Variants in ZNF763 observed in about 807,000 individuals in gnomAD.
ZNF763 encodes the protein DNA-binding protein.
In ZNF763, 33 loss-of-function variants were observed where a neutral mutation model predicts 38.0. That is an observed-to-expected ratio of 0.87 (90% CI 0.66 to 1.16). The LOEUF (loss-of-function observed/expected upper bound fraction) is 1.16. Among genes scored for constraint, ZNF763 ranks in the 50% most tolerant of loss-of-function variants. The probability of loss-of-function intolerance (pLI) is 0.00; values close to 1 mark genes in which losing one functional copy is unlikely to be tolerated. For missense variants in ZNF763, 423 were observed against 469.1 expected (o/e 0.90, Z 0.91); for synonymous variants, 155 against 160.1 (o/e 0.97, Z 0.24).
At position 11,978,330 on chromosome 19, in the gene ZNF763, T is replaced by G. The variant is rs1460194209; in HGVS notation, c.406T>G (p.Tyr136Asp). The G allele has an allele frequency of 5.6e-6, 9 of 1,613,934 alleles. No individual in the cohort carries two copies. The highest frequency in any genetic ancestry group is 2.7e-5 in the African/African-American group (2 of 74,882). ...TGACATTGGGCACAAGGCATACGAG[T>G]ATCAGGACTATGCACCAAAGCCATA... ...RGDIGHKAYEYQDYAPKPYKC... is the reference protein window; with the variant it reads ...RGDIGHKAYEDQDYAPKPYKC... Residue 136 changes from tyrosine (Y) to aspartate (D), a missense_variant, in exon 4 of 4, where the codon TAT (tyrosine) becomes GAT (aspartate). Coordinates refer to ENST00000358987, the MANE Select transcript of ZNF763 (RefSeq NM_001367172.2).
At position 11,967,639 on chromosome 19, in the gene ZNF763, G is replaced by A. The variant is rs570700270; in HGVS notation, c.3+2428G>A. Among the ~76,000 whole-genome samples the A allele has an allele frequency of 2.6e-5, 4 of 152,096 alleles. No individual in the cohort carries two copies. In the South Asian group the frequency reaches 6.2e-4, roughly 24 times the overall value. On this transcript the variant is annotated intron_variant, in intron 1 of 3. Transcript: ENST00000358987. ...AGGATGGTCTCAATCTCCTGACCTC[G>A]TGATCCACCCACCTCGGCCTCCCAA...
At chr19:11,970,548 T>C (rs1958199213) in intron 1 of ZNF763, among the ~76,000 whole-genome samples, 1 of 152,268 alleles carries the variant, frequency 6.6e-6, no homozygotes, top group Admixed American at 6.5e-5. Context: ...AGATTGATTA[T>C]TCTCCTGTAG....
At chr19:11,976,729 G>A (rs2145342693) in intron 1 of ZNF763, 1 of 376,502 alleles carries the variant, frequency 2.7e-6, no homozygotes, top group East Asian at 9.3e-5. Context: ...AGCCGGGTGT[G>A]GTGGCGCATG....
Position 11,979,868 on chromosome 19 carries a change from G to C in ZNF763, c.*759G>C. 3 of 1,463,118 alleles carry C rather than the reference G, an allele frequency of 2.1e-6. No homozygotes were observed. Among genetic ancestry groups the C allele is most frequent in the Non-Finnish European group, 2.9e-6 (3 of 1,048,308 alleles). 90.6% of individuals were successfully genotyped at this position (1,463,118 alleles called of 1,614,324 possible). A position where few individuals can be genotyped will look rare whatever the true frequency, so the allele number is the denominator to read the frequency against. On this transcript the variant is annotated 3_prime_UTR_variant, in exon 4 of 4. Transcript: ENST00000358987. The stretch of plus-strand genomic sequence containing the variant: ...AATTCATGAAAGGACACAAACACAC[G>C]TAAGAATGCACTCTGTAGAAAGACC...
At chr19:11,972,925 CA>C (rs34554548) in intron 1 of ZNF763, among the ~76,000 whole-genome samples, 9,554 of 130,252 alleles carry the variant, frequency 0.073, 850 homozygotes, top group African/African-American at 0.23. Context: ...GACCCTGTTT[CA>C]AAAAAAAAAA....
chr19:11,965,345 G>T, intron 1 of ZNF763, 134 bp downstream of exon 1: 1 of 1,279,204 alleles, frequency 7.8e-7, no homozygotes, highest in Non-Finnish European at 1.1e-6. Flanking sequence ...GGAGCTGCTC[G>T]GCCCTCGGTC....
chr19:11,965,356 C>T (rs7251835), intron 1 of ZNF763, 145 bp downstream of exon 1: 71,976 of 1,146,836 alleles, frequency 0.063, 4,590 homozygotes, highest in African/African-American at 0.31. Flanking sequence ...GCCCTCGGTC[C>T]CCTCGGCCGC....
chr19:11,965,758 G>T (rs572020831), intron 1 of ZNF763, among the ~76,000 whole-genome samples: 10 of 152,292 alleles, frequency 6.6e-5, no homozygotes, highest in African/African-American at 2.4e-4. Context: ...AGAGACCTTG[G>T]CAAGGGAAAC....
chr19:11,967,283 GC>G (rs1300953564), intron 1 of ZNF763, among the ~76,000 whole-genome samples: 1 of 152,158 alleles, frequency 6.6e-6, no homozygotes, highest in Non-Finnish European at 1.5e-5. Flanking sequence ...TTGCAGCCCA[GC>G]CGAGGACTCG....
At chr19:11,977,698 C>T (rs1208416546) in intron 3 of ZNF763, among the ~76,000 whole-genome samples, 1 of 152,120 alleles carries the variant, frequency 6.6e-6, no homozygotes, top group Non-Finnish European at 1.5e-5. Flanking sequence ...AAATCAACAA[C>T]AGCAAAAAAT....
At chr19:11,976,323 T>C (rs403674) in intron 1 of ZNF763, among the ~76,000 whole-genome samples, 27,589 of 151,476 alleles carry the variant, frequency 0.18, 5,455 homozygotes, top group African/African-American at 0.5. Context: ...CCTTTTCTCC[T>C]TAGATTCAGT....
At chr19:11,972,475 A>T (rs1236194085) in intron 1 of ZNF763, among the ~76,000 whole-genome samples, 1 of 152,202 alleles carries the variant, frequency 6.6e-6, no homozygotes, top group Non-Finnish European at 1.5e-5. Flanking sequence ...ACATAAAAGA[A>T]TTGCACAATG....
At chr19:11,975,242 C>T (rs961489767) in intron 1 of ZNF763, among the ~76,000 whole-genome samples, 1 of 151,122 alleles carries the variant, frequency 6.6e-6, no homozygotes, top group South Asian at 2.1e-4. Context: ...TGAGATAAAA[C>T]GCATGTTTAG....
At chr19:11,968,391 C>T (rs1973281844) in intron 1 of ZNF763, among the ~76,000 whole-genome samples, 1 of 152,054 alleles carries the variant, frequency 6.6e-6, no homozygotes, top group South Asian at 2.1e-4. Flanking sequence ...TACAGTTGCC[C>T]ACCAGCACAC....
intron 1 of ZNF763, among the ~76,000 whole-genome samples, chr19:11,974,494 C>A (rs1425196378): frequency 6.6e-6 from 1 of 151,214 alleles, no homozygotes; most frequent in Non-Finnish European, 1.5e-5. Flanking sequence ...CTGCCCCTGG[C>A]CTGTTTTAAT....
In ZNF763 at chr19:11,965,061, C is replaced by G; in HGVS notation, c.-148C>G. ...ATTCCTGTCCTCACCTTTGTCCTTG[C>G]GCAGCCGGTGGTTGATATCCGCTGT... On this transcript the variant is annotated 5_prime_UTR_variant, in exon 1 of 4. Transcript: ENST00000358987. 1.0e-6 allele frequency: 1 copy of G among 998,308 alleles called. No individual in the cohort carries two copies. The highest frequency in any genetic ancestry group is 2.0e-5 in the Admixed American group (1 of 48,978). The allele number at this position is 998,308 out of a possible 1,614,324, so 61.8% of individuals were successfully genotyped here.
chr19:11,970,673 A>G (rs940794519), intron 1 of ZNF763, among the ~76,000 whole-genome samples: 1 of 152,152 alleles, frequency 6.6e-6, no homozygotes, highest in Non-Finnish European at 1.5e-5. Context: ...GAGCAGGTGC[A>G]GTGGCTCACA....
chr19:11,970,972 T>C (rs1217833727), intron 1 of ZNF763, among the ~76,000 whole-genome samples: 1 of 152,124 alleles, frequency 6.6e-6, no homozygotes, highest in Non-Finnish European at 1.5e-5. Context: ...TGCCCTGGTC[T>C]CACAATTTGC....
intron 1 of ZNF763, among the ~76,000 whole-genome samples, chr19:11,968,911 G>A (rs568199672): frequency 6.6e-6 from 1 of 152,224 alleles, no homozygotes; most frequent in Admixed American, 6.5e-5. Context: ...GGTCTTTCCT[G>A]TTTCCCTTCA....
Sources: allele counts gnomAD v4.1 joint callset (sites outside exome capture counted in the v4.1 genomes callset), GRCh38; gene constraint gnomAD v4.1.1; transcripts MANE v1.5; gene names NCBI Gene and HGNC (gene_info 2026-07-23, HGNC 2026-07-21).